Variants in GFM1 observed in about 807,000 individuals in gnomAD.
The protein encoded by GFM1 is elongation factor G, mitochondrial.
Under a neutral mutation model 96.2 loss-of-function variants are expected in GFM1, and 62 were observed. That is an observed-to-expected ratio of 0.64 (90% CI 0.53 to 0.80). The LOEUF (loss-of-function observed/expected upper bound fraction) is 0.80, where lower values mean the gene tolerates loss of function less well. GFM1 is among the 30% of genes least tolerant of loss of function. GFM1 has a pLI of 0.00. For missense variants in GFM1, 852 were observed against 916.6 expected (o/e 0.93, Z 0.91); for synonymous variants, 282 against 312.9 (o/e 0.90, Z 1.04).
chr3:158,653,691 C>T (rs563970256), intron 7 of GFM1, among the ~76,000 whole-genome samples: 1 of 151,370 alleles, frequency 6.6e-6, no homozygotes, highest in South Asian at 2.1e-4. Flanking sequence ...TTGTTTTACT[C>T]TCTCTCAAGG....
Position 158,675,028 on chromosome 3 carries a change from C to T in GFM1, c.1602-6967C>T, listed in dbSNP as rs927743396. Among the ~76,000 whole-genome samples, 8 of 152,278 alleles carry T rather than the reference C, an allele frequency of 5.3e-5. 1 individual carries two copies. Among genetic ancestry groups the T allele is most frequent in the East Asian group, 3.9e-4 (2 of 5,186 alleles). On this transcript the variant is annotated intron_variant, in intron 13 of 17. Coordinates refer to ENST00000486715, the MANE Select transcript of GFM1 (RefSeq NM_024996.7). ...TTACGGCCGGGAGCAGTGGCTCACGCCTGTAATCCCAGCACTTTGGGAGGC... is the reference window on the plus strand; with the variant it reads ...TTACGGCCGGGAGCAGTGGCTCACGTCTGTAATCCCAGCACTTTGGGAGGC...
At chr3:158,674,730 T>C (rs190699657) in intron 13 of GFM1, among the ~76,000 whole-genome samples, 34 of 152,268 alleles carry the variant, frequency 2.2e-4, no homozygotes, top group Admixed American at 6.5e-4. Context: ...AAAGAAAAGA[T>C]AATTAGCGTT....
At position 158,646,816 on chromosome 3, in the gene GFM1, T is replaced by A. The variant is rs750553704; in HGVS notation, c.441T>A (p.Ala147=). Residue 147 remains alanine, a synonymous_variant, in exon 4 of 18, where the codon GCT becomes GCA. Transcript: ENST00000486715. ...ATGGTGCAGTCCTTGTTCTCTGTGC[T>A]GTTGGAGGGGTACAGTGCCAGACCA... The part of the protein sequence containing the change: ...VLDGAVLVLC[A]VGGVQCQTMT... The A allele has an allele frequency of 1.7e-5, 28 of 1,614,116 alleles. No homozygotes were observed. The highest frequency in any genetic ancestry group is 2.4e-5 in the Non-Finnish European group (28 of 1,180,030).
chr3:158,683,821 A>G (rs1725607512), intron 14 of GFM1, among the ~76,000 whole-genome samples: 1 of 152,242 alleles, frequency 6.6e-6, no homozygotes, highest in Non-Finnish European at 1.5e-5. Flanking sequence ...CATTCTAAGC[A>G]TTGCTTTCAA....
Position 158,659,068 on chromosome 3 carries a change from A to AGTAC in GFM1, c.1221+10_1221+11insTACG. The stretch of plus-strand genomic sequence containing the variant: ...ATGCCGACATGATGGAGGCAAGTAC[A>AGTAC]GAGTCATTGTGAGATTAGAAATTCC... On this transcript the variant is annotated intron_variant, in intron 9 of 17. Coordinates refer to ENST00000486715, the MANE Select transcript of GFM1 (RefSeq NM_024996.7). The AGTAC allele has an allele frequency of 9.3e-6, 15 of 1,614,142 alleles. No homozygotes were observed. The highest frequency in any genetic ancestry group is 1.3e-5 in the Non-Finnish European group (15 of 1,179,992).
rs9331287 is a variant in GFM1 at position 158,648,678 on chromosome 3, CA to C, written c.573-340del. Among the ~76,000 whole-genome samples the C allele has an allele frequency of 3.4e-3, 348 of 102,728 alleles. 1 individual carries two copies. Among genetic ancestry groups the C allele is most frequent in the Middle Eastern group, 0.014 (3 of 212 alleles). 67.4% of individuals were successfully genotyped at this position (102,728 alleles called of 152,430 possible). On this transcript the variant is annotated intron_variant, in intron 4 of 17. Transcript: ENST00000486715. ...TGGCAACAGGGCGAGACTCTTGTCT[CA>C]AAAAAAAAAAAAAAAAAAAAAAGAG... is the stretch of plus-strand genomic sequence containing the variant.
chr3:158,668,022 C>T (rs978825506), intron 13 of GFM1, among the ~76,000 whole-genome samples: 6 of 152,162 alleles, frequency 3.9e-5, no homozygotes, highest in Non-Finnish European at 7.4e-5. Flanking sequence ...TAACTCAAGA[C>T]TTCACTCTTC....
intron 9 of GFM1, among the ~76,000 whole-genome samples, chr3:158,659,504 T>TAG (rs1266369701): frequency 3.3e-5 from 5 of 152,222 alleles, no homozygotes; most frequent in African/African-American, 1.2e-4. Context: ...TGTTTAACCC[T>TAG]AGAGCTTCTA....
rs1237200176 is a variant in GFM1 at position 158,690,281 on chromosome 3, T to A, written c.2028T>A (p.Thr676=). Residue 676 remains threonine, a synonymous_variant, in exon 16 of 18, where the codon ACT becomes ACA. Transcript: ENST00000486715. ...TTAACCGACGCCATGGGGTAATCAC[T>A]GGGCAAGATGGAGTTGAGGACTATT... ...AGINRRHGVI[T]GQDGVEDYFT... 2.5e-6 allele frequency: 4 copies of A among 1,614,004 alleles called. No individual in the cohort carries two copies. In the Admixed American group the frequency reaches 6.7e-5, roughly 27 times the overall value.
intron 11 of GFM1, among the ~76,000 whole-genome samples, chr3:158,664,961 A>G (rs1304990244): frequency 6.6e-6 from 1 of 152,216 alleles, no homozygotes; most frequent in Admixed American, 6.5e-5. Context: ...TGTCTTGGTA[A>G]ACATGCTGAT....
intron 13 of GFM1, chr3:158,666,858 G>C: frequency 7.0e-7 from 1 of 1,423,750 alleles, no homozygotes; most frequent in South Asian, 1.3e-5. Flanking sequence ...TAGTACTTTT[G>C]TTAAATTGCT....
chr3:158,647,232 G>C (rs1161851760), intron 4 of GFM1, among the ~76,000 whole-genome samples: 1 of 152,164 alleles, frequency 6.6e-6, no homozygotes, highest in African/African-American at 2.4e-5. Context: ...TTGCTATTAT[G>C]AGAGAAGTTA....
At chr3:158,687,763 G>A (rs985005197) in intron 15 of GFM1, among the ~76,000 whole-genome samples, 4 of 152,002 alleles carry the variant, frequency 2.6e-5, no homozygotes, top group East Asian at 1.9e-4. Flanking sequence ...CCACCACTGC[G>A]CCTGGCCTAT....
chr3:158,652,382 C>T, intron 6 of GFM1, 136 bp downstream of exon 6: 1 of 758,262 alleles, frequency 1.3e-6, no homozygotes, highest in Non-Finnish European at 2.2e-6. Context: ...TAATTGGCTT[C>T]CTCAAAAAAT....
Position 158,660,961 on chromosome 3 carries a change from A to G in GFM1, c.1309A>G (p.Ser437Gly). The change falls in exon 10 of 18, where the codon AGC becomes GGC. Residue 437 changes from serine (S) to glycine (G), a missense_variant. Coordinates refer to ENST00000486715, the MANE Select transcript of GFM1 (RefSeq NM_024996.7). ...SGDTFTDKAN[S>G]GLSMESIHVP... ...AGACACATTCACAGACAAAGCCAACAGCGGCCTTTCTATGGTAAGCCATTT... is the reference window on the plus strand; with the variant it reads ...AGACACATTCACAGACAAAGCCAACGGCGGCCTTTCTATGGTAAGCCATTT... The G allele has an allele frequency of 6.2e-7, 1 of 1,613,608 alleles. No individual in the cohort carries two copies. Among genetic ancestry groups the G allele is most frequent in the Non-Finnish European group, 8.5e-7 (1 of 1,179,488 alleles).
At position 158,691,151 on chromosome 3, in the gene GFM1, G is replaced by T. The variant is rs745852124; in HGVS notation, c.2083G>T (p.Asp695Tyr). Residue 695 changes from aspartate to tyrosine, a missense_variant, in exon 17 of 18, where the codon GAT (aspartate) becomes TAT (tyrosine). Transcript: ENST00000486715. ...TGTTTGTTTTCAGGTCCCTCTAAAT[G>T]ATATGTTTGGTTATTCCACTGAACT... ...FTLYADVPLN[D>Y]MFGYSTELRS... is the part of the protein sequence containing the mutation. The T allele has an allele frequency of 1.2e-6, 2 of 1,611,468 alleles. No individual in the cohort carries two copies. Among genetic ancestry groups the T allele is most frequent in the South Asian group, 2.2e-5 (2 of 91,034 alleles).
At chr3:158,657,961 A>G (rs1271348919) in intron 8 of GFM1, among the ~76,000 whole-genome samples, 1 of 152,066 alleles carries the variant, frequency 6.6e-6, no homozygotes, top group Non-Finnish European at 1.5e-5. Flanking sequence ...TCTTATTACC[A>G]TAGTTTTTGA....
rs769977385 is a variant in GFM1 at position 158,665,424 on chromosome 3, G to GAGAC, written c.1471_1474dup (p.Val492AspfsTer46). On this transcript the variant is annotated frameshift_variant, in exon 12 of 18. Transcript: ENST00000486715. LOFTEE classifies it high-confidence loss of function. Reference sequence around the variant, plus strand: ...AGTATACTTTGACACTGAGAACAAAGAGACAGTTATATCTGGAATGGGAGA... The same window carrying GAGAC: ...AGTATACTTTGACACTGAGAACAAAGAGACAGACAGTTATATCTGGAATGGGAGA... 1 of 1,610,406 alleles carries GAGAC rather than the reference G, an allele frequency of 6.2e-7. No homozygotes were observed. The highest frequency in any genetic ancestry group is 1.3e-5 in the African/African-American group (1 of 74,942).
In GFM1 at chr3:158,695,210, C is replaced by T. The variant is rs760597332; in HGVS notation, c.*3743C>T. Among the ~76,000 whole-genome samples the T allele has an allele frequency of 6.6e-6, 1 of 151,830 alleles. No individual in the cohort carries two copies. Among genetic ancestry groups the T allele is most frequent in the Non-Finnish European group, 1.5e-5 (1 of 67,968 alleles). ...CCAACACGGTGAAACCCCGTCTCTA[C>T]TATAAATACAAAAATCGTCCGGGCG... On this transcript the variant is annotated 3_prime_UTR_variant, in exon 18 of 18. Transcript: ENST00000486715.
Sources: allele counts gnomAD v4.1 joint callset (sites outside exome capture counted in the v4.1 genomes callset), GRCh38; gene constraint gnomAD v4.1.1; transcripts MANE v1.5; gene names NCBI Gene and HGNC (gene_info 2026-07-23, HGNC 2026-07-21).